The following ZFAT variants were observed in gnomAD, a reference collection of about 807,000 sequenced individuals.
The protein encoded by ZFAT is zinc finger protein ZFAT.
In ZFAT, 64 loss-of-function variants were observed where a neutral mutation model predicts 117.7. The observed-to-expected ratio is 0.54, with a 90% CI of 0.44 to 0.67. The LOEUF (loss-of-function observed/expected upper bound fraction) is 0.67, where lower values mean the gene tolerates loss of function less well. ZFAT is among the 30% of genes least tolerant of loss of function. The probability of loss-of-function intolerance (pLI) is 0.00; values close to 1 mark genes in which losing one functional copy is unlikely to be tolerated. For missense variants in ZFAT, 1,433 were observed against 1,584.5 expected, an observed-to-expected ratio of 0.90 and a Z score of 1.62; for synonymous variants, 679 against 615.0, an observed-to-expected ratio of 1.10 and a Z score of -1.54.
intron 12 of ZFAT, among the ~76,000 whole-genome samples, chr8:134,529,813 T>C (rs952709291): frequency 6.6e-6 from 1 of 152,250 alleles, no homozygotes; most frequent in Admixed American, 6.5e-5. Flanking sequence ...CTACAAGTCA[T>C]GTTTCCCCTC....
intron 7 of ZFAT, among the ~76,000 whole-genome samples, chr8:134,597,290 TG>T (rs1398518392): frequency 1.3e-5 from 2 of 152,214 alleles, no homozygotes; most frequent in African/African-American, 2.4e-5. Flanking sequence ...CTAAAAATCC[TG>T]GAGCCTGTTT....
the ZFAT span, among the ~76,000 whole-genome samples, chr8:134,818,822 G>C: frequency 1.3e-5 from 2 of 152,158 alleles, no homozygotes. Flanking sequence ...AAATAATGCT[G>C]GGTGAAAGTA....
At chr8:134,657,809 A>G in intron 1 of ZFAT, 72 bp from the exon 2 acceptor site, 16 of 1,504,782 alleles carry the variant, frequency 1.1e-5, no homozygotes, top group South Asian at 1.3e-5. Context: ...ATTGCCAAAG[A>G]CAATACCGAA....
At chr8:134,792,568 A>G in the ZFAT span, 1 of 152,342 alleles carries the variant, frequency 6.6e-6, no homozygotes, top group East Asian at 1.9e-4. Context: ...GATTTTTTAA[A>G]GTTGGTTTTT....
chr8:134,543,590 C>T (rs1822448104), intron 11 of ZFAT, among the ~76,000 whole-genome samples: 1 of 152,242 alleles, frequency 6.6e-6, no homozygotes, highest in Non-Finnish European at 1.5e-5. Context: ...TCTGATATTG[C>T]TCTATTCTAC....
At chr8:134,497,499 G>T in intron 15 of ZFAT, among the ~76,000 whole-genome samples, 1 of 104,254 alleles carries the variant, frequency 9.6e-6, no homozygotes, top group Admixed American at 8.9e-5. Context: ...TAGGGTTGGG[G>T]TGGAGCCGGG....
At chr8:134,697,748 TA>T (rs1328797941) in intron 1 of ZFAT, among the ~76,000 whole-genome samples, 381 of 125,478 alleles carry the variant, frequency 3.0e-3, no homozygotes, top group Non-Finnish European at 4.4e-3. Flanking sequence ...AACTAAAAAC[TA>T]AAAAAAAAAA....
At chr8:134,804,170 A>G in the ZFAT span, among the ~76,000 whole-genome samples, 7 of 152,364 alleles carry the variant, frequency 4.6e-5, no homozygotes, top group East Asian at 5.8e-4. Flanking sequence ...AACACAAAAA[A>G]TAGATACAAT....
chr8:134,493,307 G>A (rs1266522284), intron 15 of ZFAT, among the ~76,000 whole-genome samples: 1 of 152,060 alleles, frequency 6.6e-6, no homozygotes, highest in Non-Finnish European at 1.5e-5. Context: ...CCAGGTCCCT[G>A]GGCCTGAGGG....
Position 134,532,814 on chromosome 8 carries a change from C to G in ZFAT, c.3115+20G>C. On this transcript the variant is annotated intron_variant, in intron 12 of 15. Coordinates refer to ENST00000377838, the MANE Select transcript of ZFAT (RefSeq NM_020863.4). ...TAAAAGGAAGCGGGCAGGGCCCCAG[C>G]TCGCTGGCCCCTCGCCTACCTTGCT... 1 of 1,607,716 alleles carries G rather than the reference C, an allele frequency of 6.2e-7. No individual in the cohort carries two copies. The highest frequency in any genetic ancestry group is 8.5e-7 in the Non-Finnish European group (1 of 1,178,094).
At chr8:134,570,878 T>C (rs763463173) in intron 10 of ZFAT, among the ~76,000 whole-genome samples, 14 of 152,204 alleles carry the variant, frequency 9.2e-5, no homozygotes, top group Non-Finnish European at 1.5e-4. Flanking sequence ...ATGGGAGTTG[T>C]GTTTTCACTC....
chr8:134,551,985 T>C (rs1326222619), intron 11 of ZFAT, among the ~76,000 whole-genome samples: 1 of 152,168 alleles, frequency 6.6e-6, no homozygotes, highest in East Asian at 1.9e-4. Flanking sequence ...AGTTACAGGT[T>C]TTACACAACA....
At chr8:134,764,989 C>T in the ZFAT span, 1 of 152,174 alleles carries the variant, frequency 6.6e-6, no homozygotes, top group East Asian at 1.9e-4. Flanking sequence ...GTCGCACAGC[C>T]TGTGATTTGG....
At chr8:134,537,476 G>A (rs1821927115) in intron 11 of ZFAT, among the ~76,000 whole-genome samples, 1 of 152,246 alleles carries the variant, frequency 6.6e-6, no homozygotes, top group Non-Finnish European at 1.5e-5. Context: ...AGTGGACCGG[G>A]AGAGATGTGG....
chr8:134,817,426 CACACA>C, the ZFAT span, among the ~76,000 whole-genome samples: 9 of 125,760 alleles, frequency 7.2e-5, no homozygotes, highest in South Asian at 9.4e-4. Context: ...CACACACACA[CACACA>C]CACACAACGC....
At chr8:134,798,996 T>G in the ZFAT span, among the ~76,000 whole-genome samples, 1 of 152,114 alleles carries the variant, frequency 6.6e-6, no homozygotes, top group Non-Finnish European at 1.5e-5. Flanking sequence ...CTATAAATTA[T>G]AAAATAATGT....
At chr8:134,769,368 GC>G in the ZFAT span, among the ~76,000 whole-genome samples, 1 of 152,214 alleles carries the variant, frequency 6.6e-6, no homozygotes, top group Non-Finnish European at 1.5e-5. Context: ...CAGGCCCCAT[GC>G]AAGTCTGAAA....
At chr8:134,825,467 A>G in the ZFAT span, among the ~76,000 whole-genome samples, 2 of 152,264 alleles carry the variant, frequency 1.3e-5, no homozygotes, top group Admixed American at 6.5e-5. Flanking sequence ...TGTTCAAAAC[A>G]ATGTTTAACA....
chr8:134,643,127 T>A (rs748506331), intron 2 of ZFAT, among the ~76,000 whole-genome samples: 13 of 152,248 alleles, frequency 8.5e-5, no homozygotes, highest in Non-Finnish European at 1.6e-4. Flanking sequence ...CGTCCTCATT[T>A]AATCCCCAAG....
Sources: allele counts gnomAD v4.1 joint callset (sites outside exome capture counted in the v4.1 genomes callset), GRCh38; gene constraint gnomAD v4.1.1; transcripts MANE v1.5; gene names NCBI Gene and HGNC (gene_info 2026-07-23, HGNC 2026-07-21).